RALYL: variants seen among roughly 807,000 people sequenced by gnomAD.
RALYL encodes RALY RNA binding protein like.
RALYL carries 29 observed loss-of-function variants against 35.1 expected under a neutral mutation model. The ratio of observed to expected loss-of-function variants is 0.83; its 90% CI spans 0.61 to 1.13. The LOEUF (loss-of-function observed/expected upper bound fraction) is 1.13. Among genes scored for constraint, RALYL ranks in the 50% most tolerant of loss-of-function variants. The pLI, the probability that RALYL is intolerant of heterozygous loss-of-function variation, is 0.00. For synonymous variants in RALYL, 120 were observed against 127.6 expected (o/e 0.94, Z 0.40); for missense variants, 359 against 360.4 (o/e 1.00, Z 0.03).
intron 8 of RALYL, among the ~76,000 whole-genome samples, chr8:84,918,798 C>T (rs113620513): frequency 2.0e-4 from 30 of 152,188 alleles, no homozygotes; most frequent in African/African-American, 6.3e-4. Flanking sequence ...ACCTACTTCA[C>T]AATGCAAAGT....
intron 2 of RALYL, among the ~76,000 whole-genome samples, chr8:84,612,463 T>C (rs1438867558): frequency 6.6e-6 from 1 of 152,040 alleles, no homozygotes; most frequent in Admixed American, 6.6e-5. Context: ...CGTATTTATC[T>C]ATGAGCCAGG....
At chr8:84,888,941 G>A (rs564943949) in intron 8 of RALYL, among the ~76,000 whole-genome samples, 30 of 152,112 alleles carry the variant, frequency 2.0e-4, no homozygotes, top group East Asian at 3.9e-4. Context: ...ATATAGATGC[G>A]GTTTCACCAT....
chr8:84,678,233 C>T (rs1413848259), intron 2 of RALYL, among the ~76,000 whole-genome samples: 1 of 151,778 alleles, frequency 6.6e-6, no homozygotes, highest in Non-Finnish European at 1.5e-5. Flanking sequence ...CCTCCTTTGC[C>T]CTGCAAGTAT....
rs564900885 is a variant in RALYL at position 84,900,431 on chromosome 8, C to T, written c.858+12655C>T. 2.0e-5 allele frequency among the ~76,000 whole-genome samples: 3 copies of T among 152,246 alleles called. No homozygotes were observed. In the East Asian group the frequency reaches 5.8e-4, roughly 29 times the overall value. ...GTGGCTCACGTCTGTAATTCCAACA[C>T]TTTGGAAGGCCGAGGCAGGCAGATC... is the stretch of plus-strand genomic sequence containing the variant. On this transcript the variant is annotated intron_variant, in intron 8 of 8. Transcript: ENST00000521268.
At chr8:84,381,156 G>A (rs771103293) in intron 1 of RALYL, among the ~76,000 whole-genome samples, 1 of 152,010 alleles carries the variant, frequency 6.6e-6, no homozygotes, top group African/African-American at 2.4e-5. Flanking sequence ...TGACCCCAAC[G>A]ACAGCCACGA....
chr8:84,208,819 G>A (rs1161017382), intron 1 of RALYL, among the ~76,000 whole-genome samples: 1 of 152,072 alleles, frequency 6.6e-6, no homozygotes, highest in Non-Finnish European at 1.5e-5. Flanking sequence ...TTTTAAATCA[G>A]GGGTCACAAA....
chr8:84,220,410 T>C (rs530569635), intron 1 of RALYL, among the ~76,000 whole-genome samples: 62 of 152,026 alleles, frequency 4.1e-4, no homozygotes, highest in Non-Finnish European at 8.1e-4. Flanking sequence ...TTGTCTCTGG[T>C]AAACCCACAA....
intron 2 of RALYL, among the ~76,000 whole-genome samples, chr8:84,570,031 T>G (rs1252223): frequency 0.3 from 45,579 of 151,642 alleles, 7,683 homozygotes; most frequent in African/African-American, 0.46. Context: ...GATGCCTCCA[T>G]ATTTCTTCTT....
intron 8 of RALYL, among the ~76,000 whole-genome samples, chr8:84,893,392 A>T (rs1844206489): frequency 6.6e-6 from 1 of 152,216 alleles, no homozygotes; most frequent in African/African-American, 2.4e-5. Flanking sequence ...CTCTATATTT[A>T]TATCCACCAA....
At chr8:84,658,680 G>A (rs921017038) in intron 2 of RALYL, among the ~76,000 whole-genome samples, 4 of 151,974 alleles carry the variant, frequency 2.6e-5, no homozygotes, top group African/African-American at 9.7e-5. Context: ...AAGCCTCTTC[G>A]TATATGAGCT....
At chr8:84,735,068 T>C (rs528265954) in intron 2 of RALYL, among the ~76,000 whole-genome samples, 1 of 151,326 alleles carries the variant, frequency 6.6e-6, no homozygotes, top group East Asian at 1.9e-4. Flanking sequence ...TCAGTCACAT[T>C]TTATTGGCCA....
At chr8:84,398,314 T>C (rs1032010267) in intron 1 of RALYL, among the ~76,000 whole-genome samples, 53 of 152,128 alleles carry the variant, frequency 3.5e-4, no homozygotes, top group African/African-American at 1.3e-3. Flanking sequence ...TTTCTTTTTT[T>C]TTTATCCTTG....
At chr8:84,229,642 C>G (rs60652219) in intron 1 of RALYL, among the ~76,000 whole-genome samples, 4,559 of 152,096 alleles carry the variant, frequency 0.03, 84 homozygotes, top group Middle Eastern at 0.054. Context: ...TAAGATAACT[C>G]TGGTTTAAAA....
intron 1 of RALYL, among the ~76,000 whole-genome samples, chr8:84,512,768 C>CA (rs2057729765): frequency 6.6e-6 from 1 of 152,124 alleles, no homozygotes; most frequent in Non-Finnish European, 1.5e-5. Context: ...TTCCCAGCAC[C>CA]ATTTGTTGAA....
chr8:84,821,168 T>C (rs1205275466), intron 4 of RALYL, among the ~76,000 whole-genome samples: 1 of 152,202 alleles, frequency 6.6e-6, no homozygotes, highest in African/African-American at 2.4e-5. Flanking sequence ...TAAATAATTT[T>C]TTGGCAGTTT....
chr8:84,441,850 A>G (rs2048363929), intron 1 of RALYL, among the ~76,000 whole-genome samples: 2 of 150,166 alleles, frequency 1.3e-5, no homozygotes, highest in Admixed American at 6.6e-5. Flanking sequence ...GCCCATGGCA[A>G]TTCATATCTC....
intron 2 of RALYL, among the ~76,000 whole-genome samples, chr8:84,717,181 C>T (rs181233950): frequency 5.3e-5 from 8 of 152,134 alleles, no homozygotes; most frequent in East Asian, 1.9e-4. Context: ...AGCGGGACTC[C>T]GTCTCAAAAA....
chr8:84,304,203 C>T (rs1445095589), intron 1 of RALYL, among the ~76,000 whole-genome samples: 2 of 152,044 alleles, frequency 1.3e-5, no homozygotes, highest in African/African-American at 4.8e-5. Flanking sequence ...CTGCGACCTC[C>T]ACCTCCCGGG....
At chr8:84,376,843 C>T (rs375463978) in intron 1 of RALYL, among the ~76,000 whole-genome samples, 1 of 151,738 alleles carries the variant, frequency 6.6e-6, no homozygotes, top group South Asian at 2.1e-4. Flanking sequence ...ATCATTCACT[C>T]CGGCAAAGGA....
Sources: gnomAD v4.1 joint callset for allele counts (sites outside exome capture counted in the v4.1 genomes callset) on GRCh38, gnomAD v4.1.1 for gene constraint, MANE v1.5 for transcripts, NCBI Gene and HGNC (gene_info 2026-07-23, HGNC 2026-07-21) for gene names.